Variants in ZNF232 observed in about 807,000 individuals in gnomAD.
ZNF232 encodes the protein zinc finger protein 232, also known as zinc finger and SCAN domain-containing protein 11.
A neutral mutation model predicts 25.2 loss-of-function variants in ZNF232; 25 were observed. The ratio of observed to expected loss-of-function variants is 0.99; its 90% CI spans 0.72 to 1.39. The LOEUF is 1.39. Ranked by LOEUF, ZNF232 falls within the 40% of genes most tolerant of loss-of-function variation. The probability of loss-of-function intolerance (pLI) is 0.00; values close to 1 mark genes in which losing one functional copy is unlikely to be tolerated. For missense variants in ZNF232, 519 were observed against 520.9 expected (o/e 1.00, Z 0.04); for synonymous variants, 193 against 182.9 (o/e 1.06, Z -0.45).
chr17:5,121,541 C>A, intron 1 of ZNF232: 1 of 182,052 alleles, frequency 5.5e-6, no homozygotes, highest in Non-Finnish European at 1.2e-5. Flanking sequence ...AGGGTGAGCC[C>A]AGCCTTATAG....
At chr17:5,111,951 T>G, upstream of ZNF232, 1 of 1,391,656 alleles carries the variant, frequency 7.2e-7, no homozygotes. Flanking sequence ...TCGCGGACTT[T>G]GGCCCAGGCG....
rs114040767 is a variant in ZNF232, at chr17:5,119,911, C to G, written c.-530+3066G>C. ...CTGCACAGGGACCCCTCCTTCAGGT[C>G]TGTCGGACTTGTATCCACCCCACCT... On this transcript the variant is annotated intron_variant, in intron 1 of 4. Transcript: ENST00000250076. Among the ~76,000 whole-genome samples the G allele has an allele frequency of 6.4e-3, 974 of 152,218 alleles. 13 individuals are homozygous for G. The highest frequency in any genetic ancestry group is 0.021 in the African/African-American group (877 of 41,548).
chr17:5,109,657 G>A (rs1001600752), exon 2 of ZNF232: 6 of 1,614,170 alleles, frequency 3.7e-6, no homozygotes, highest in Non-Finnish European at 4.2e-6. Flanking sequence ...AAGCGTTGGC[G>A]GAAGATCTCT....
At chr17:5,107,485 C>T (rs1473694076) in intron 3 of ZNF232, among the ~76,000 whole-genome samples, 4 of 150,456 alleles carry the variant, frequency 2.7e-5, no homozygotes, top group African/African-American at 9.8e-5. Context: ...TTGTAATGCT[C>T]CCTATAGCCT....
At chr17:5,109,979 C>T in intron 1 of ZNF232, 111 bp from the exon 2 acceptor site, 1 of 1,089,608 alleles carries the variant, frequency 9.2e-7, no homozygotes, top group East Asian at 2.6e-5. Context: ...AACCTCCACC[C>T]CCGGGGTTCT....
At chr17:5,119,151 C>A (rs2072596810) in intron 1 of ZNF232, among the ~76,000 whole-genome samples, 1 of 151,448 alleles carries the variant, frequency 6.6e-6, no homozygotes, top group Admixed American at 6.5e-5. Context: ...AATCACCCCT[C>A]TTCCTCAAAG....
At chr17:5,121,247 C>A in intron 1 of ZNF232, 1 of 375,290 alleles carries the variant, frequency 2.7e-6, no homozygotes, top group East Asian at 7.3e-5. Flanking sequence ...TGCAGAGGGT[C>A]TTTGTGTGCA....
chr17:5,117,888 G>A (rs1358953378), intron 1 of ZNF232, among the ~76,000 whole-genome samples: 5 of 152,044 alleles, frequency 3.3e-5, no homozygotes, highest in Admixed American at 3.3e-4. Context: ...AGGAGTTTAA[G>A]ACCAGGCTGG....
upstream of ZNF232, chr17:5,111,993 G>A: frequency 1.0e-6 from 1 of 986,776 alleles, no homozygotes; most frequent in Non-Finnish European, 1.5e-6. Flanking sequence ...GGGAGCCCGG[G>A]AACCGGTTCC....
chr17:5,106,556 CTT>C (rs756749541), intron 3 of ZNF232, 23 bp from the exon 4 acceptor site: 1 of 1,542,954 alleles, frequency 6.5e-7, no homozygotes, highest in African/African-American at 1.4e-5. Context: ...AGAAATGACA[CTT>C]AGATTAAAAT....
intron 1 of ZNF232, among the ~76,000 whole-genome samples, chr17:5,121,953 G>A (rs1324125595): frequency 5.3e-5 from 8 of 152,134 alleles, no homozygotes; most frequent in Non-Finnish European, 1.2e-4. Context: ...ATTAGATCAC[G>A]TAGGCAATGG....
At chr17:5,111,843 C>A (rs140157979), upstream of ZNF232, 1 of 1,613,724 alleles carries the variant, frequency 6.2e-7, no homozygotes. Flanking sequence ...CCGCGAATCG[C>A]GCCACTTACA....
exon 4 of ZNF232, chr17:5,106,164 T>C: frequency 6.2e-7 from 1 of 1,614,182 alleles, no homozygotes; most frequent in Non-Finnish European, 8.5e-7. Context: ...GTCACTACAC[T>C]TATAGGGTTT....
chr17:5,115,987 G>A (rs2072526414), upstream of ZNF232, among the ~76,000 whole-genome samples: 1 of 152,244 alleles, frequency 6.6e-6, no homozygotes, highest in African/African-American at 2.4e-5. Flanking sequence ...AAGCTGTAGG[G>A]CTGGACGGCA....
At position 5,121,071 on chromosome 17, in the gene ZNF232, G is replaced by A. The variant is rs536557058; in HGVS notation, c.-530+1906C>T. 2.6e-5 allele frequency among the ~76,000 whole-genome samples: 4 copies of A among 152,274 alleles called. No homozygotes were observed. In the South Asian group the frequency reaches 6.2e-4, roughly 24 times the overall value. ...AGGATGTGTGTATTTGAGTACATAC[G>A]CATACCCTTGGCAAGCACAGGCTGA... On this transcript the variant is annotated intron_variant, in intron 1 of 4. Coordinates refer to the ZNF232 transcript ENST00000250076.
upstream of ZNF232, chr17:5,116,345 G>C (rs1330426620): frequency 7.3e-6 from 1 of 137,696 alleles, no homozygotes; most frequent in Non-Finnish European, 1.7e-5. Context: ...CGGCTTCCCG[G>C]GGCTTAGGCC....
exon 1 of ZNF232, chr17:5,123,080 G>C (rs2072749222): frequency 6.5e-6 from 1 of 153,274 alleles, no homozygotes; most frequent in South Asian, 1.8e-4. Flanking sequence ...GCTCCGAAGA[G>C]ATGGGCCCCA....
intron 1 of ZNF232, chr17:5,121,272 C>G: frequency 2.8e-6 from 1 of 361,934 alleles, no homozygotes; most frequent in Non-Finnish European, 5.4e-6. Context: ...CCTTTGGGGC[C>G]CCATAGAGGC....
At chr17:5,110,861 G>A (rs958396423) in intron 1 of ZNF232, among the ~76,000 whole-genome samples, 4 of 152,180 alleles carry the variant, frequency 2.6e-5, no homozygotes, top group African/African-American at 9.7e-5. Context: ...TACCAAAGAG[G>A]GTTTTGAGGG....
Sources: allele counts gnomAD v4.1 joint callset (sites outside exome capture counted in the v4.1 genomes callset), GRCh38; gene constraint gnomAD v4.1.1; transcripts MANE v1.5; gene names NCBI Gene and HGNC (gene_info 2026-07-23, HGNC 2026-07-21).